CNTNAP5: variants seen among roughly 807,000 people sequenced by gnomAD.
The protein encoded by CNTNAP5 is contactin associated protein family member 5, also known as contactin-associated protein-like 5.
Under a neutral mutation model 150.2 loss-of-function variants are expected in CNTNAP5, and 72 were observed. The ratio of observed to expected loss-of-function variants is 0.48; its 90% CI spans 0.40 to 0.58. CNTNAP5 has a LOEUF of 0.58. Among genes scored for constraint, CNTNAP5 ranks in the 20% least tolerant of loss-of-function variants. The pLI is 0.00. For missense variants in CNTNAP5, 1,636 were observed against 1,626.2 expected, an observed-to-expected ratio of 1.01 and a Z score of -0.10; for synonymous variants, 672 against 619.8, an observed-to-expected ratio of 1.08 and a Z score of -1.25.
rs566867936 is a variant in CNTNAP5, at chr2:124,792,342, T to C, written c.2992+2201T>C. The stretch of plus-strand genomic sequence containing the variant: ...GGTATTAAAATCTAAATTTAACTTA[T>C]TGGGGCTCATAAAGGTGGACTGACT... On this transcript the variant is annotated intron_variant, in intron 18 of 23. Coordinates refer to ENST00000682447, the MANE Select transcript of CNTNAP5 (RefSeq NM_001367498.1). Among the ~76,000 whole-genome samples, 52 of 152,328 alleles carry C rather than the reference T, an allele frequency of 3.4e-4. No homozygotes were observed. In the South Asian group the frequency reaches 8.9e-3, roughly 26 times the overall value.
chr2:124,920,038 G>A lies in CNTNAP5; in HGVS notation c.*5750G>A, dbSNP rs147099645. 9.0e-4 allele frequency among the ~76,000 whole-genome samples: 137 copies of A among 152,090 alleles called. 3 individuals carry two copies. The East Asian group carries it at 0.012, about 13-fold the overall frequency. On this transcript the variant is annotated 3_prime_UTR_variant, in exon 24 of 24. Transcript: ENST00000682447. ...TGTCCCAGCCCTGACAACGAGTACCGCCAGGGACCTACCATCTAACACCAT... is the reference window on the plus strand; with the variant it reads ...TGTCCCAGCCCTGACAACGAGTACCACCAGGGACCTACCATCTAACACCAT...
At chr2:124,035,394 C>CTCCTT (rs575596950) in intron 1 of CNTNAP5, among the ~76,000 whole-genome samples, 47 of 17,974 alleles carry the variant, frequency 2.6e-3, no homozygotes, top group African/African-American at 4.8e-3. Flanking sequence ...TGTTCTTCTA[C>CTCCTT]TCCTTTCCTT....
At chr2:124,471,637 G>A (rs1384182536) in intron 6 of CNTNAP5, among the ~76,000 whole-genome samples, 1 of 152,106 alleles carries the variant, frequency 6.6e-6, no homozygotes, top group Non-Finnish European at 1.5e-5. Flanking sequence ...TCTGTGTCTT[G>A]TGCCAGTTTT....
chr2:124,748,156 G>A (rs763873735), intron 14 of CNTNAP5, among the ~76,000 whole-genome samples: 6 of 151,934 alleles, frequency 3.9e-5, no homozygotes, highest in Admixed American at 1.3e-4. Context: ...TAAACACATA[G>A]CAAAGGAAAT....
chr2:124,321,401 C>A (rs1689095347), intron 3 of CNTNAP5, among the ~76,000 whole-genome samples: 1 of 150,604 alleles, frequency 6.6e-6, no homozygotes, highest in African/African-American at 2.4e-5. Context: ...CAAGATTGTG[C>A]CATTGCATTC....
rs143579324 is a variant in CNTNAP5, at chr2:124,743,627, G to T, written c.2078-3602G>T. Reference sequence around the variant, plus strand: ...TCCGTCTCTAGGCGTTCAGCATTCGGGGGCAGCCAGCTGGGCAGGGTTTTA... The same window carrying T: ...TCCGTCTCTAGGCGTTCAGCATTCGTGGGCAGCCAGCTGGGCAGGGTTTTA... On this transcript the variant is annotated intron_variant, in intron 13 of 23. Coordinates refer to ENST00000682447, the MANE Select transcript of CNTNAP5 (RefSeq NM_001367498.1). Among the ~76,000 whole-genome samples, 588 of 152,266 alleles carry T rather than the reference G, an allele frequency of 3.9e-3. 1 individual carries two copies. The highest frequency in any genetic ancestry group is 6.6e-3 in the Non-Finnish European group (450 of 68,014).
At chr2:124,773,403 C>T (rs1467983397) in intron 17 of CNTNAP5, among the ~76,000 whole-genome samples, 1 of 152,128 alleles carries the variant, frequency 6.6e-6, no homozygotes, top group Non-Finnish European at 1.5e-5. Flanking sequence ...CAAGTGCTGC[C>T]CCAGTCCTGA....
At chr2:124,591,160 A>G (rs1696671722) in intron 11 of CNTNAP5, among the ~76,000 whole-genome samples, 1 of 152,192 alleles carries the variant, frequency 6.6e-6, no homozygotes, top group Non-Finnish European at 1.5e-5. Flanking sequence ...TTCAAATGCA[A>G]CAATAGGTTT....
chr2:124,579,947 T>C (rs1323164622), intron 11 of CNTNAP5, among the ~76,000 whole-genome samples: 2 of 152,244 alleles, frequency 1.3e-5, no homozygotes, highest in Admixed American at 6.5e-5. Context: ...TAGTCACTTA[T>C]GCTAAATGTG....
rs1187304049 is a variant in CNTNAP5, at chr2:124,699,440, GC to G, written c.2078-47787del. The stretch of plus-strand genomic sequence containing the variant: ...CTACAGTCTACCCATTGGAAGCATG[GC>G]CAAAGTCAGGGAGGTTCAGGACATT... On this transcript the variant is annotated intron_variant, in intron 13 of 23. Transcript: ENST00000682447. Among the ~76,000 whole-genome samples the G allele has an allele frequency of 2.0e-5, 3 of 152,108 alleles. No individual in the cohort carries two copies. In the East Asian group the frequency reaches 5.8e-4, roughly 29 times the overall value.
intron 1 of CNTNAP5, among the ~76,000 whole-genome samples, chr2:124,030,967 G>T (rs1198171038): frequency 1.3e-5 from 2 of 151,990 alleles, no homozygotes; most frequent in African/African-American, 4.8e-5. Context: ...CCCTGATCTG[G>T]CTCTGCTAAA....
At position 124,360,598 on chromosome 2, in the gene CNTNAP5, G is replaced by T. The variant is rs879441199; in HGVS notation, c.382-56845G>T. On this transcript the variant is annotated intron_variant, in intron 3 of 23. Transcript: ENST00000682447. ...AGTTTGGCTGGATATGAAATTCTGG[G>T]TTGAAAATTCTTTTCTTTAAGAATG... 5.3e-3 allele frequency among the ~76,000 whole-genome samples: 731 copies of T among 137,344 alleles called. 18 individuals are homozygous for T. The highest frequency in any genetic ancestry group is 0.011 in the Middle Eastern group (3 of 278). The allele number at this position is 137,344 out of a possible 152,430, so 90.1% of individuals were successfully genotyped here. A position where few individuals can be genotyped will look rare whatever the true frequency, so the allele number is the denominator to read the frequency against.
At chr2:124,408,354 G>T (rs56376945) in intron 3 of CNTNAP5, among the ~76,000 whole-genome samples, 29 of 152,288 alleles carry the variant, frequency 1.9e-4, no homozygotes, top group Non-Finnish European at 3.1e-4. Flanking sequence ...CAAAGCAGCC[G>T]GGAAGCTCGG....
At chr2:124,331,970 G>C (rs1164573244) in intron 3 of CNTNAP5, among the ~76,000 whole-genome samples, 2 of 151,790 alleles carry the variant, frequency 1.3e-5, no homozygotes, top group Non-Finnish European at 2.9e-5. Flanking sequence ...CTCATCTTAA[G>C]AAAAGTTCAT....
intron 1 of CNTNAP5, among the ~76,000 whole-genome samples, chr2:124,103,508 C>G (rs1683108845): frequency 6.6e-6 from 1 of 151,680 alleles, no homozygotes. Context: ...ACAAGTGTAC[C>G]ATTTTTTATT....
intron 4 of CNTNAP5, among the ~76,000 whole-genome samples, chr2:124,431,294 A>G (rs1692372256): frequency 6.6e-6 from 1 of 151,976 alleles, no homozygotes; most frequent in South Asian, 2.1e-4. Flanking sequence ...ATGGAGAGGG[A>G]GGTGAGTGAG....
rs962329699 is a variant in CNTNAP5 at position 124,859,013 on chromosome 2, C to T, written c.3218-6293C>T. Among the ~76,000 whole-genome samples, 60 of 152,214 alleles carry T rather than the reference C, an allele frequency of 3.9e-4. 1 individual carries two copies. Among genetic ancestry groups the T allele is most frequent in the Admixed American group, 3.3e-3 (50 of 15,292 alleles). ...ATAGGCATGGGCAAGGGCTTCATGT[C>T]TAAAACACCAAAAGCAATGGCAACA... On this transcript the variant is annotated intron_variant, in intron 19 of 23. Transcript: ENST00000682447.
chr2:124,253,207 T>C (rs6729629), intron 3 of CNTNAP5, among the ~76,000 whole-genome samples: 2,063 of 152,082 alleles, frequency 0.014, 44 homozygotes, highest in African/African-American at 0.045. Context: ...ACAATGTTAT[T>C]TGAGGACTCA....
intron 1 of CNTNAP5, among the ~76,000 whole-genome samples, chr2:124,149,957 T>G (rs1684364662): frequency 6.6e-6 from 1 of 152,204 alleles, no homozygotes. Flanking sequence ...TGCTGCTTTT[T>G]GTTAACATCT....
Sources: gnomAD v4.1 joint callset for allele counts (sites outside exome capture counted in the v4.1 genomes callset) on GRCh38, gnomAD v4.1.1 for gene constraint, MANE v1.5 for transcripts, NCBI Gene and HGNC (gene_info 2026-07-23, HGNC 2026-07-21) for gene names.